ACTN1: variants seen among roughly 807,000 people sequenced by gnomAD.
ACTN1 encodes alpha-actinin-1.
In ACTN1, 30 loss-of-function variants were observed where a neutral mutation model predicts 119.6. The ratio of observed to expected loss-of-function variants is 0.25; its 90% CI spans 0.19 to 0.34. ACTN1 has a LOEUF of 0.34. Ranked by LOEUF, ACTN1 falls within the 10% of genes least tolerant of loss-of-function variation. The pLI is 1.00. For synonymous variants in ACTN1, 429 were observed against 472.6 expected, an observed-to-expected ratio of 0.91 and a Z score of 1.20; for missense variants, 764 against 1,223.4, an observed-to-expected ratio of 0.62 and a Z score of 5.60.
chr14:68,966,766 G>A (rs113241141), intron 1 of ACTN1, among the ~76,000 whole-genome samples: 3 of 152,146 alleles, frequency 2.0e-5, no homozygotes, highest in African/African-American at 4.8e-5. Context: ...TCAGCAGAGG[G>A]ACTGGAAGGA....
chr14:68,958,836 C>T (rs1023078442), intron 1 of ACTN1, among the ~76,000 whole-genome samples: 1 of 152,212 alleles, frequency 6.6e-6, no homozygotes, highest in African/African-American at 2.4e-5. Flanking sequence ...CACACTGTTT[C>T]CTTCCTGAAG....
chr14:68,953,116 T>C (rs139995740), intron 1 of ACTN1, among the ~76,000 whole-genome samples: 93 of 152,314 alleles, frequency 6.1e-4, no homozygotes, highest in African/African-American at 2.1e-3. Flanking sequence ...GCTTATTTCC[T>C]GGACTTCAGT....
At chr14:68,881,937 T>TC in intron 16 of ACTN1, among the ~76,000 whole-genome samples, 1 of 77,724 alleles carries the variant, frequency 1.3e-5, no homozygotes, top group African/African-American at 1.1e-4. Flanking sequence ...AGGCAGCTTC[T>TC]TTTTTTTTTT....
chr14:68,968,493 A>C (rs1395408605), intron 1 of ACTN1, among the ~76,000 whole-genome samples: 2 of 152,270 alleles, frequency 1.3e-5, no homozygotes, highest in African/African-American at 4.8e-5. Flanking sequence ...CAAAGTTTTA[A>C]AACAGGCACA....
At chr14:68,943,295 GGAA>G (rs2035826092) in intron 1 of ACTN1, among the ~76,000 whole-genome samples, 1 of 152,198 alleles carries the variant, frequency 6.6e-6, no homozygotes, top group Admixed American at 6.5e-5. Context: ...CAGAAGCGTG[GGAA>G]GAAGGGCAGC....
chr14:68,909,943 C>A lies in ACTN1; in HGVS notation c.515+12G>T. ...CTGGTTCTGTGAGAGCCCCTCAGAC[C>A]CCAGCACTCACCTTATGTGGAAGTT... On this transcript the variant is annotated intron_variant, in intron 5 of 21. Coordinates refer to ENST00000394419, the MANE Select transcript of ACTN1 (RefSeq NM_001130004.2). The surrounding 1 kb of genome is among the most constrained non-coding windows in gnomAD (Gnocchi z 4.1). 6.2e-7 allele frequency: 1 copy of A among 1,612,242 alleles called. No individual in the cohort carries two copies. Among genetic ancestry groups the A allele is most frequent in the South Asian group, 1.1e-5 (1 of 90,992 alleles).
intron 20 of ACTN1, 105 bp from the exon 21 acceptor site, chr14:68,877,345 G>C (rs1330517860): frequency 2.1e-6 from 3 of 1,401,746 alleles, no homozygotes; most frequent in African/African-American, 2.8e-5. Flanking sequence ...GGCTGGAAGA[G>C]AAGGGCACAT....
intron 6 of ACTN1, among the ~76,000 whole-genome samples, chr14:68,908,450 A>T (rs2033801417): frequency 6.6e-6 from 1 of 152,176 alleles, no homozygotes; most frequent in Middle Eastern, 3.2e-3. Context: ...GTAGAGACAC[A>T]CAAGTCCAGC....
Position 68,892,134 on chromosome 14 carries a change from C to G in ACTN1, c.1005G>C (p.Glu335Asp), listed in dbSNP as rs756669755. 8.7e-6 allele frequency: 14 copies of G among 1,613,918 alleles called. No homozygotes were observed. The highest frequency in any genetic ancestry group is 1.1e-5 in the Non-Finnish European group (13 of 1,180,038). The change falls in exon 10 of 22, where the codon GAG becomes GAC. Residue 335 changes from glutamate to aspartate, a missense_variant. By Grantham distance (45) the Glu-to-Asp change is conservative (BLOSUM62 2). Around this residue, in one of 4 missense-constraint regions of ACTN1, gnomAD observed 544 missense variants for 912.0 expected, o/e 0.60. Coordinates refer to ENST00000394419, the MANE Select transcript of ACTN1 (RefSeq NM_001130004.2). ...TGGTCTGCAGCGTGTTGAAGTTGAT[C>G]TCCAGCTGGCACTTCTCCTGCACCT... ...PPKVQEKCQL[E>D]INFNTLQTKL...
intron 1 of ACTN1, among the ~76,000 whole-genome samples, chr14:68,962,546 C>G (rs2036573656): frequency 6.6e-6 from 1 of 152,200 alleles, no homozygotes; most frequent in South Asian, 2.1e-4. Flanking sequence ...CCCTCCACAC[C>G]CCAGCCCTGC....
At chr14:68,930,868 T>C (rs1035934705) in intron 1 of ACTN1, among the ~76,000 whole-genome samples, 1 of 152,222 alleles carries the variant, frequency 6.6e-6, no homozygotes, top group African/African-American at 2.4e-5. Context: ...GGTATAATTA[T>C]TATAAGTTTA....
intron 1 of ACTN1, among the ~76,000 whole-genome samples, chr14:68,942,711 A>G (rs2035803567): frequency 6.6e-6 from 1 of 152,196 alleles, no homozygotes; most frequent in Non-Finnish European, 1.5e-5. Flanking sequence ...TAGACTGTAC[A>G]GCCATTTTAG....
chr14:68,891,270 T>C (rs182378357), intron 10 of ACTN1, among the ~76,000 whole-genome samples: 3 of 152,238 alleles, frequency 2.0e-5, no homozygotes, highest in African/African-American at 7.2e-5. Flanking sequence ...CTCTGGCTTA[T>C]GAAATTTTTC....
chr14:68,879,533 G>A lies in ACTN1; in HGVS notation c.2280+429C>T, dbSNP rs2031293738. On this transcript the variant is annotated intron_variant, in intron 18 of 21. Transcript: ENST00000394419. This position sits in a 1 kb window ranked among gnomAD's most constrained non-coding sequence, Gnocchi z 4.9. Reference sequence around the variant, plus strand: ...CCAGCCTGACCCAGAGCTGGGATGGGAACCCAGGACCAAGGCCTCTGACAT... The same window carrying A: ...CCAGCCTGACCCAGAGCTGGGATGGAAACCCAGGACCAAGGCCTCTGACAT... 6.6e-6 allele frequency among the ~76,000 whole-genome samples: 1 copy of A among 152,166 alleles called. No homozygotes were observed. Among genetic ancestry groups the A allele is most frequent in the African/African-American group, 2.4e-5 (1 of 41,442 alleles).
At position 68,940,713 on chromosome 14, in the gene ACTN1, C is replaced by G. The variant is rs554677135; in HGVS notation, c.106-15041G>C. ...AAAAAAAATTAGCTTCTATCCTCTC[C>G]CCAGGGTCATTTCTCCTGAATGTGC... is the stretch of plus-strand genomic sequence containing the variant. On this transcript the variant is annotated intron_variant, in intron 1 of 21. Coordinates refer to ENST00000394419, the MANE Select transcript of ACTN1 (RefSeq NM_001130004.2). Among the ~76,000 whole-genome samples, 24 of 152,054 alleles carry G rather than the reference C, an allele frequency of 1.6e-4. No individual in the cohort carries two copies. In the East Asian group the frequency reaches 4.6e-3, roughly 29 times the overall value.
intron 1 of ACTN1, among the ~76,000 whole-genome samples, chr14:68,954,338 T>G (rs1405103524): frequency 6.6e-6 from 1 of 152,180 alleles, no homozygotes; most frequent in Non-Finnish European, 1.5e-5. Context: ...ATTTATTTAT[T>G]TATTCTGAAA....
chr14:68,885,332 ATCT>A lies in ACTN1; in HGVS notation c.1385+90_1385+92del. On this transcript the variant is annotated intron_variant, in intron 12 of 21. Transcript: ENST00000394419. This position sits in a 1 kb window ranked among gnomAD's most constrained non-coding sequence, Gnocchi z 5.6. ...GCACCCACCTGTACCCACCCTCCCCATCTTCCACGGCCACACCCCCACCTCCCC... is the reference window on the plus strand; with the variant it reads ...GCACCCACCTGTACCCACCCTCCCCATCCACGGCCACACCCCCACCTCCCC... 5 of 968,686 alleles carry A rather than the reference ATCT, an allele frequency of 5.2e-6. No homozygotes were observed. Among genetic ancestry groups the A allele is most frequent in the Admixed American group, 2.8e-5 (1 of 35,732 alleles). The allele number at this position is 968,686 out of a possible 1,614,324, so 60.0% of individuals were successfully genotyped here.
Position 68,921,033 on chromosome 14 carries a change from C to T in ACTN1, c.313G>A (p.Val105Ile), listed in dbSNP as rs387907345. The change falls in exon 3 of 22, where the codon GTC becomes ATC. Residue 105 changes from valine (V) to isoleucine (I), a missense_variant. Transcript: ENST00000394419. The stretch of plus-strand genomic sequence containing the variant: ...TCGGCTCCGATGGACACCAGTTTGA[C>T]GCCTTTGCTGGCTATGAAATCCAGG... ...KALDFIASKG[V>I]KLVSIGAEEI... 2 of 1,614,140 alleles carry T rather than the reference C, an allele frequency of 1.2e-6. No homozygotes were observed. The highest frequency in any genetic ancestry group is 1.7e-6 in the Non-Finnish European group (2 of 1,180,000).
intron 21 of ACTN1, among the ~76,000 whole-genome samples, chr14:68,875,419 G>A (rs958942050): frequency 1.3e-5 from 2 of 152,218 alleles, no homozygotes; most frequent in Non-Finnish European, 2.9e-5. Flanking sequence ...TGGACGCCTC[G>A]GACAGACAGT....
Sources: gnomAD v4.1 joint callset for allele counts (sites outside exome capture counted in the v4.1 genomes callset) on GRCh38, gnomAD v4.1.1 for gene constraint, gnomAD v4.1.1 regional missense constraint, Gnocchi (gnomAD v3.1) non-coding constraint, MANE v1.5 for transcripts, NCBI Gene and HGNC (gene_info 2026-07-23, HGNC 2026-07-21) for gene names.